SORCS1: variants seen among roughly 807,000 people sequenced by gnomAD.
SORCS1 encodes the protein VPS10 domain-containing receptor SorCS1.
In SORCS1, 60 loss-of-function variants were observed where a neutral mutation model predicts 146.1. The ratio of observed to expected loss-of-function variants is 0.41; its 90% CI spans 0.33 to 0.51. SORCS1 has a LOEUF of 0.51. Ranked by LOEUF, SORCS1 falls within the 20% of genes least tolerant of loss-of-function variation. The pLI is 0.21. For missense variants in SORCS1, 1,352 were observed against 1,487.6 expected (o/e 0.91, Z 1.50); for synonymous variants, 637 against 584.0 (o/e 1.09, Z -1.31).
chr10:106,941,830 T>C (rs924507970), intron 2 of SORCS1, among the ~76,000 whole-genome samples: 3 of 152,250 alleles, frequency 2.0e-5, no homozygotes, highest in Non-Finnish European at 2.9e-5. Context: ...ACTCACTCTG[T>C]GTTGACAATG....
At chr10:106,814,168 T>C (rs1284511878) in intron 3 of SORCS1, among the ~76,000 whole-genome samples, 1 of 152,230 alleles carries the variant, frequency 6.6e-6, no homozygotes, top group Admixed American at 6.5e-5. Flanking sequence ...ATCAAGCTTA[T>C]CCTGTAAATC....
intron 1 of SORCS1, among the ~76,000 whole-genome samples, chr10:107,147,838 G>C (rs755626188): frequency 3.9e-5 from 6 of 152,078 alleles, no homozygotes; most frequent in Non-Finnish European, 7.3e-5. Context: ...GCACACACTA[G>C]ATGATGCTTA....
chr10:106,742,680 A>C (rs1857446050), intron 5 of SORCS1, among the ~76,000 whole-genome samples: 1 of 152,136 alleles, frequency 6.6e-6, no homozygotes, highest in Non-Finnish European at 1.5e-5. Flanking sequence ...ACGCCTGGCC[A>C]ATTTCATACA....
chr10:106,976,071 G>C (rs1490837403), intron 1 of SORCS1, among the ~76,000 whole-genome samples: 3 of 150,468 alleles, frequency 2.0e-5, no homozygotes, highest in Non-Finnish European at 4.4e-5. Context: ...GCTTGAACCC[G>C]GGAGGCAGAG....
chr10:106,853,882 T>C (rs1949684622), intron 2 of SORCS1, among the ~76,000 whole-genome samples: 1 of 152,110 alleles, frequency 6.6e-6, no homozygotes, highest in African/African-American at 2.4e-5. Context: ...AAGTGGTCTG[T>C]CTTAGCAAAT....
In SORCS1 at chr10:106,679,730, T is replaced by C; in HGVS notation, c.1565A>G (p.Tyr522Cys). The C allele has an allele frequency of 1.2e-5, 20 of 1,608,022 alleles. No individual in the cohort carries two copies. Among genetic ancestry groups the C allele is most frequent in the Non-Finnish European group, 1.6e-5 (19 of 1,176,410 alleles). The stretch of plus-strand genomic sequence containing the variant: ...CTTCAGGTGAAGGTGTAGTGAGCAA[T>C]AGGGCTGAAAAGAGAAATAATAAGT... Reference protein sequence around the residue: ...RGDPVHCLLPYCSLHLHLKVS... With the variant: ...RGDPVHCLLPCCSLHLHLKVS... The change falls in exon 11 of 26, where the codon TAT becomes TGT. Residue 522 changes from tyrosine (Y) to cysteine (C), a missense_variant. Physicochemically the swap from Tyr to Cys is radical, Grantham distance 194. Transcript: ENST00000263054.
At chr10:106,852,115 C>T in intron 2 of SORCS1, among the ~76,000 whole-genome samples, 1 of 152,098 alleles carries the variant, frequency 6.6e-6, no homozygotes, top group East Asian at 1.9e-4. Context: ...ATAGATGCTT[C>T]TGTCTCTGCA....
At chr10:106,760,799 G>A (rs1037765564) in intron 5 of SORCS1, among the ~76,000 whole-genome samples, 2 of 151,984 alleles carry the variant, frequency 1.3e-5, no homozygotes, top group East Asian at 3.9e-4. Flanking sequence ...AATAGCAACT[G>A]TGTCCCACAT....
chr10:106,670,173 G>T (rs1851480341), intron 16 of SORCS1, among the ~76,000 whole-genome samples: 1 of 152,178 alleles, frequency 6.6e-6, no homozygotes, highest in Non-Finnish European at 1.5e-5. Context: ...AATGGAAAAT[G>T]AGATGGAAAA....
At chr10:106,703,493 CTTTCCCCTGTCTGG>C (rs1854281248) in intron 8 of SORCS1, among the ~76,000 whole-genome samples, 2 of 152,206 alleles carry the variant, frequency 1.3e-5, no homozygotes, top group Admixed American at 1.3e-4. Context: ...AAACTCATTA[CTTTCCCCTGTCTGG>C]AGGGCCACAT....
chr10:106,723,420 G>A (rs896915639), intron 6 of SORCS1, among the ~76,000 whole-genome samples: 1 of 105,166 alleles, frequency 9.5e-6, no homozygotes, highest in Admixed American at 9.7e-5. Context: ...CACACACACA[G>A]AATATTTAAA....
chr10:106,887,383 C>G lies in SORCS1; in HGVS notation c.627-57710G>C, dbSNP rs187662546. On this transcript the variant is annotated intron_variant, in intron 2 of 25. Coordinates refer to ENST00000263054, the MANE Select transcript of SORCS1 (RefSeq NM_052918.5). The stretch of plus-strand genomic sequence containing the variant: ...AGATGGCAAAATCATGCCTGACATT[C>G]AGTAATTTTAGATGGATTAGAGAGT... Among the ~76,000 whole-genome samples, 572 of 152,154 alleles carry G rather than the reference C, an allele frequency of 3.8e-3. 4 individuals are homozygous for G. Among genetic ancestry groups the G allele is most frequent in the Non-Finnish European group, 5.1e-3 (344 of 68,016 alleles).
intron 17 of SORCS1, among the ~76,000 whole-genome samples, chr10:106,659,120 A>C (rs1850527726): frequency 6.6e-6 from 1 of 152,204 alleles, no homozygotes; most frequent in African/African-American, 2.4e-5. Flanking sequence ...AGCAATCAGG[A>C]ATAGACTTCC....
At chr10:106,857,118 T>G (rs1378160290) in intron 2 of SORCS1, among the ~76,000 whole-genome samples, 1 of 152,152 alleles carries the variant, frequency 6.6e-6, no homozygotes, top group Non-Finnish European at 1.5e-5. Flanking sequence ...AACATATCTT[T>G]GTTCACCCCC....
intron 19 of SORCS1, among the ~76,000 whole-genome samples, chr10:106,626,747 C>T (rs1848138277): frequency 6.6e-6 from 1 of 152,168 alleles, no homozygotes; most frequent in South Asian, 2.1e-4. Flanking sequence ...GAGGCACTAA[C>T]CAAACATGTC....
At chr10:107,078,335 T>A (rs1279614035) in intron 1 of SORCS1, among the ~76,000 whole-genome samples, 1 of 152,220 alleles carries the variant, frequency 6.6e-6, no homozygotes, top group Non-Finnish European at 1.5e-5. Flanking sequence ...ACTCATTCAA[T>A]TTAGCCTAGT....
intron 1 of SORCS1, among the ~76,000 whole-genome samples, chr10:106,961,567 G>A (rs1022954602): frequency 6.6e-6 from 1 of 152,196 alleles, no homozygotes; most frequent in Non-Finnish European, 1.5e-5. Flanking sequence ...CACAGAAAGT[G>A]CGATGGAAGT....
intron 1 of SORCS1, among the ~76,000 whole-genome samples, chr10:107,070,076 C>T (rs568808807): frequency 6.6e-6 from 1 of 152,288 alleles, no homozygotes; most frequent in South Asian, 2.1e-4. Flanking sequence ...TGGAATCATA[C>T]AATATGTGAC....
chr10:106,648,034 T>C (rs1467806028), intron 18 of SORCS1, among the ~76,000 whole-genome samples: 1 of 90,368 alleles, frequency 1.1e-5, no homozygotes, highest in Non-Finnish European at 2.1e-5. Context: ...CGCCTGGCTA[T>C]TTTTTTTAAT....
Sources: gnomAD v4.1 joint callset for allele counts (sites outside exome capture counted in the v4.1 genomes callset) on GRCh38, gnomAD v4.1.1 for gene constraint, MANE v1.5 for transcripts, NCBI Gene and HGNC (gene_info 2026-07-23, HGNC 2026-07-21) for gene names.